Variants in IRAK4 observed in about 807,000 individuals in gnomAD.
IRAK4 encodes interleukin-1 receptor-associated kinase 4.
In IRAK4, 44 loss-of-function variants were observed where a neutral mutation model predicts 51.8. That is an observed-to-expected ratio of 0.85 (90% CI 0.67 to 1.09). The LOEUF (loss-of-function observed/expected upper bound fraction) is 1.09, where lower values mean the gene tolerates loss of function less well. Among genes scored for constraint, IRAK4 ranks in the 50% least tolerant of loss-of-function variants. The pLI is 0.00. For missense variants in IRAK4, 487 were observed against 538.0 expected (o/e 0.91, Z 0.94); for synonymous variants, 149 against 174.1 (o/e 0.86, Z 1.13).
In IRAK4 at chr12:43,772,159, G is replaced by A. The variant is rs555011454; in HGVS notation, c.308-21G>A. On this transcript the variant is annotated intron_variant, in intron 3 of 11. Coordinates refer to ENST00000613694, the MANE Select transcript of IRAK4 (RefSeq NM_016123.4). ...ACTTTTTCTTACTGAAAAACCACTT[G>A]TATCTTACTTCATTTGTTAGATGCT... The A allele has an allele frequency of 1.2e-5, 20 of 1,600,896 alleles. 1 individual carries two copies. In the South Asian group the frequency reaches 1.8e-4, roughly 14 times the overall value.
chr12:43,763,598 T>C (rs960281189), intron 1 of IRAK4: 1 of 152,108 alleles, frequency 6.6e-6, no homozygotes, highest in African/African-American at 2.4e-5. Flanking sequence ...CAAAAGCCCT[T>C]TGGGGTCTAC....
intron 6 of IRAK4, 134 bp downstream of exon 6, chr12:43,774,163 A>G (rs1941056848): frequency 5.8e-6 from 4 of 692,036 alleles, no homozygotes; most frequent in South Asian, 4.9e-5. Context: ...TGTTTAGATT[A>G]GAGAAATTGA....
At chr12:43,759,058 C>T (rs1406062633) in intron 1 of IRAK4, 42 bp downstream of exon 1, 1 of 152,194 alleles carries the variant, frequency 6.6e-6, no homozygotes, top group Non-Finnish European at 1.5e-5. Flanking sequence ...AAACGTCGTC[C>T]GAGGTCCGCT....
chr12:43,786,941 TG>T lies in IRAK4; in HGVS notation c.*227del, dbSNP rs1413223298. 3.6e-6 allele frequency: 2 copies of T among 556,460 alleles called. No individual in the cohort carries two copies. Among genetic ancestry groups the T allele is most frequent in the African/African-American group, 3.8e-5 (2 of 52,754 alleles). 34.5% of individuals were successfully genotyped at this position (556,460 alleles called of 1,614,324 possible). A position where few individuals can be genotyped will look rare whatever the true frequency, so the allele number is the denominator to read the frequency against. On this transcript the variant is annotated 3_prime_UTR_variant, in exon 12 of 12. Coordinates refer to ENST00000613694, the MANE Select transcript of IRAK4 (RefSeq NM_016123.4). The stretch of plus-strand genomic sequence containing the variant: ...CACCCCCAGTTCTTACAGTAATCCC[TG>T]AGAAATCTCCTTCAAGCATCACCAA...
At chr12:43,767,139 AAAT>A (rs1308821597) in intron 1 of IRAK4, among the ~76,000 whole-genome samples, 68 of 152,346 alleles carry the variant, frequency 4.5e-4, no homozygotes, top group African/African-American at 1.6e-3. Flanking sequence ...AGGGAAGCAA[AAAT>A]AATTGACAGA....
chr12:43,782,180 GTATGTAC>G (rs149752629), intron 8 of IRAK4, 120 bp from the exon 9 acceptor site: 17,127 of 686,642 alleles, frequency 0.025, 401 homozygotes, highest in South Asian at 0.07. Context: ...CTGTAAATAT[GTATGTAC>G]ATATGCATGT....
intron 6 of IRAK4, among the ~76,000 whole-genome samples, chr12:43,777,148 T>C (rs1432547345): frequency 6.6e-6 from 1 of 152,176 alleles, no homozygotes; most frequent in African/African-American, 2.4e-5. Context: ...CCCAATACTT[T>C]GGGAGGCCAA....
At chr12:43,773,879 A>C in intron 5 of IRAK4, 86 bp from the exon 6 acceptor site, 1 of 805,904 alleles carries the variant, frequency 1.2e-6, no homozygotes, top group Non-Finnish European at 2.1e-6. Flanking sequence ...AAAGAAAGGG[A>C]GATGAGCCAG....
At chr12:43,763,175 A>T (rs1939745812) in intron 1 of IRAK4, 1 of 152,242 alleles carries the variant, frequency 6.6e-6, no homozygotes, top group African/African-American at 2.4e-5. Context: ...CAGATTCCTC[A>T]TTGCAGCTTA....
At position 43,771,322 on chromosome 12, in the gene IRAK4, G is replaced by A. The variant is rs776148970; in HGVS notation, c.264G>A (p.Leu88=). ...NCTVGDLVDL[L]IQNEFFAPAS... is the part of the protein sequence containing the mutation. ...CAGTTGGTGATCTTGTGGATCTTTT[G>A]ATCCAAAATGAATTTTTTGCTCCTG... Residue 88 remains leucine, a synonymous_variant, in exon 3 of 12, where the codon TTG becomes TTA. Transcript: ENST00000613694. 4 of 1,614,126 alleles carry A rather than the reference G, an allele frequency of 2.5e-6. No homozygotes were observed. The highest frequency in any genetic ancestry group is 2.2e-5 in the East Asian group (1 of 44,880).
chr12:43,774,074 CAAG>C (rs1941045714), intron 6 of IRAK4, 45 bp downstream of exon 6: 6 of 1,391,378 alleles, frequency 4.3e-6, no homozygotes, highest in Non-Finnish European at 6.1e-6. Context: ...AGAAAAAAGA[CAAG>C]GAGTAAAGAA....
chr12:43,777,842 C>T (rs1243661351), intron 7 of IRAK4, 98 bp downstream of exon 7: 2 of 1,002,150 alleles, frequency 2.0e-6, no homozygotes, highest in Non-Finnish European at 3.1e-6. Context: ...AATTCACTTT[C>T]ATATTTTTCC....
chr12:43,781,752 A>G (rs1218931289), intron 8 of IRAK4, among the ~76,000 whole-genome samples: 1 of 152,240 alleles, frequency 6.6e-6, no homozygotes, highest in East Asian at 1.9e-4. Context: ...GGGAGTTCTC[A>G]ATAAGATTGT....
chr12:43,771,562 T>C (rs970374766), intron 3 of IRAK4, among the ~76,000 whole-genome samples, 197 bp downstream of exon 3: 8 of 152,204 alleles, frequency 5.3e-5, no homozygotes, highest in African/African-American at 1.9e-4. Flanking sequence ...GCTAAGGTGA[T>C]AGAAGCTTCG....
intron 6 of IRAK4, 93 bp from the exon 7 acceptor site, chr12:43,777,535 GCT>G (rs1326934008): frequency 1.0e-5 from 11 of 1,059,062 alleles, no homozygotes; most frequent in East Asian, 8.2e-5. Context: ...CTATTTTTTT[GCT>G]CTTTTTTTCT....
intron 6 of IRAK4, 36 bp from the exon 7 acceptor site, chr12:43,777,594 T>C (rs750981946): frequency 3.2e-6 from 5 of 1,564,092 alleles, no homozygotes; most frequent in Admixed American, 1.7e-5. Context: ...TATATATTTA[T>C]TATAATAATT....
At chr12:43,761,825 A>T (rs1939588736) in intron 1 of IRAK4, among the ~76,000 whole-genome samples, 1 of 152,182 alleles carries the variant, frequency 6.6e-6, no homozygotes, top group Non-Finnish European at 1.5e-5. Context: ...TTATTTTAAT[A>T]TATTTCTCAA....
chr12:43,778,436 T>C, intron 8 of IRAK4, 134 bp downstream of exon 8: 1 of 663,520 alleles, frequency 1.5e-6, no homozygotes, highest in African/African-American at 1.8e-5. Flanking sequence ...TGAAAGCTCT[T>C]CTCAATAAGG....
At chr12:43,771,465 T>C (rs1339455859) in intron 3 of IRAK4, 100 bp downstream of exon 3, 2 of 1,253,338 alleles carry the variant, frequency 1.6e-6, no homozygotes, top group Non-Finnish European at 2.3e-6. Flanking sequence ...TCATAGTAGA[T>C]GAAGCTTACA....
Sources: gnomAD v4.1 joint callset for allele counts (sites outside exome capture counted in the v4.1 genomes callset) on GRCh38, gnomAD v4.1.1 for gene constraint, MANE v1.5 for transcripts, NCBI Gene and HGNC (gene_info 2026-07-23, HGNC 2026-07-21) for gene names.